Variants in GXYLT2 observed in about 807,000 individuals in gnomAD.
GXYLT2 encodes glycosyltransferase 8 domain containing 4.
GXYLT2 carries 53 observed loss-of-function variants against 45.8 expected under a neutral mutation model. The observed-to-expected ratio is 1.16, with a 90% CI of 0.93 to 1.46. The LOEUF is 1.46. Ranked by LOEUF, GXYLT2 falls within the 40% of genes most tolerant of loss-of-function variation. The probability of loss-of-function intolerance (pLI) is 0.00; values close to 1 mark genes in which losing one functional copy is unlikely to be tolerated. For synonymous variants in GXYLT2, 219 were observed against 214.2 expected (o/e 1.02, Z -0.19); for missense variants, 551 against 544.4 (o/e 1.01, Z -0.12).
At chr3:72,946,709 C>G (rs1710418455) in intron 3 of GXYLT2, among the ~76,000 whole-genome samples, 1 of 152,192 alleles carries the variant, frequency 6.6e-6, no homozygotes. Context: ...GACTCTACCT[C>G]TTAATACCAT....
intron 3 of GXYLT2, among the ~76,000 whole-genome samples, chr3:72,942,270 A>C (rs552334459): frequency 6.6e-6 from 1 of 152,240 alleles, no homozygotes; most frequent in Admixed American, 6.5e-5. Context: ...TGAATTAAAA[A>C]AATAAATACA....
chr3:72,960,209 C>A (rs1280644731), intron 5 of GXYLT2, among the ~76,000 whole-genome samples: 1 of 152,214 alleles, frequency 6.6e-6, no homozygotes, highest in African/African-American at 2.4e-5. Flanking sequence ...GCGTGAGCCA[C>A]CACACCCGGC....
intron 1 of GXYLT2, among the ~76,000 whole-genome samples, chr3:72,907,747 C>T (rs7643654): frequency 0.15 from 22,235 of 152,092 alleles, 2,144 homozygotes; most frequent in African/African-American, 0.27. Flanking sequence ...TTCATACCCA[C>T]CACCTCACCA....
chr3:72,929,588 C>G, intron 3 of GXYLT2: 1 of 1,060,838 alleles, frequency 9.4e-7, no homozygotes, highest in South Asian at 1.2e-5. Flanking sequence ...ACAGTGATAA[C>G]GAAAGCTAAG....
At chr3:72,895,272 T>TG (rs1399040657) in intron 1 of GXYLT2, among the ~76,000 whole-genome samples, 1 of 151,954 alleles carries the variant, frequency 6.6e-6, no homozygotes, top group African/African-American at 2.4e-5. Context: ...GTGGCGGGGT[T>TG]GGGGGGCAGC....
intron 5 of GXYLT2, among the ~76,000 whole-genome samples, chr3:72,966,348 TCTTTA>T (rs1269817567): frequency 6.6e-6 from 1 of 151,308 alleles, no homozygotes; most frequent in East Asian, 1.9e-4. Context: ...TGAAGCAGAA[TCTTTA>T]CTTTAATCTT....
chr3:72,966,278 C>T (rs12637363), intron 5 of GXYLT2, among the ~76,000 whole-genome samples: 13,697 of 146,742 alleles, frequency 0.093, 976 homozygotes, highest in East Asian at 0.33. Flanking sequence ...TGTACCCAGC[C>T]GAAGGTGGGG....
intron 1 of GXYLT2, among the ~76,000 whole-genome samples, chr3:72,893,281 A>G (rs1709217667): frequency 6.6e-6 from 1 of 152,182 alleles, no homozygotes; most frequent in Admixed American, 6.5e-5. Flanking sequence ...TGCTTCAGCC[A>G]CACTGGGCTT....
intron 3 of GXYLT2, among the ~76,000 whole-genome samples, chr3:72,922,542 C>G (rs1226977017): frequency 2.6e-5 from 4 of 152,182 alleles, no homozygotes; most frequent in African/African-American, 9.7e-5. Flanking sequence ...TGTGAGCATT[C>G]AAATCCTGTC....
At chr3:72,897,068 A>G (rs1709306006) in intron 1 of GXYLT2, among the ~76,000 whole-genome samples, 1 of 152,220 alleles carries the variant, frequency 6.6e-6, no homozygotes, top group African/African-American at 2.4e-5. Flanking sequence ...AAAATATGCC[A>G]CGTACCTTAT....
chr3:72,959,314 C>T (rs1170715142), intron 5 of GXYLT2, among the ~76,000 whole-genome samples: 2 of 151,698 alleles, frequency 1.3e-5, no homozygotes, highest in Non-Finnish European at 2.9e-5. Flanking sequence ...GACAGTATTT[C>T]ACCATGTTGG....
At chr3:72,957,579 T>C (rs968401044) in intron 5 of GXYLT2, among the ~76,000 whole-genome samples, 1 of 152,190 alleles carries the variant, frequency 6.6e-6, no homozygotes, top group Non-Finnish European at 1.5e-5. Context: ...AACACTGGAC[T>C]CATTTTTAGA....
intron 6 of GXYLT2, among the ~76,000 whole-genome samples, chr3:72,971,812 G>C (rs917850407): frequency 6.6e-6 from 1 of 150,406 alleles, no homozygotes. Context: ...AGCCGGGCGT[G>C]GTGGCGCATG....
At position 72,914,551 on chromosome 3, in the gene GXYLT2, G is replaced by GCGCA. The variant is rs1553706023; in HGVS notation, c.468+5995_468+5996insACGC. Among the ~76,000 whole-genome samples, 632 of 151,648 alleles carry GCGCA rather than the reference G, an allele frequency of 4.2e-3. 5 individuals carry two copies. Among genetic ancestry groups the GCGCA allele is most frequent in the African/African-American group, 0.015 (600 of 41,252 alleles). On this transcript the variant is annotated intron_variant, in intron 2 of 6. Coordinates refer to ENST00000389617, the MANE Select transcript of GXYLT2 (RefSeq NM_001080393.2). The stretch of plus-strand genomic sequence containing the variant: ...TATGTGTGTGTGTGTGTGTGTGCGC[G>GCGCA]CGCGCGCTTGCGTGCGCATGTATAT...
chr3:72,974,224 G>T (rs1370884693), intron 6 of GXYLT2, among the ~76,000 whole-genome samples: 1 of 152,100 alleles, frequency 6.6e-6, no homozygotes, highest in African/African-American at 2.4e-5. Context: ...GGGTTATACT[G>T]CTCATAGACG....
intron 3 of GXYLT2, among the ~76,000 whole-genome samples, chr3:72,946,046 A>G (rs1025219462): frequency 2.0e-5 from 3 of 152,050 alleles, no homozygotes; most frequent in South Asian, 4.2e-4. Flanking sequence ...GGAGGCCAAG[A>G]TGGGAGGGTT....
intron 2 of GXYLT2, among the ~76,000 whole-genome samples, chr3:72,909,605 G>A: frequency 6.6e-6 from 1 of 152,074 alleles, no homozygotes. Context: ...TGACTACATA[G>A]TATTTTATTA....
Position 72,967,718 on chromosome 3 carries a change from A to G in GXYLT2, c.1148A>G (p.Asp383Gly). 6.2e-7 allele frequency: 1 copy of G among 1,613,356 alleles called. No homozygotes were observed. The highest frequency in any genetic ancestry group is 8.5e-7 in the Non-Finnish European group (1 of 1,179,508). The change falls in exon 6 of 7, where the codon GAT (aspartate) becomes GGT (glycine). Residue 383 changes from aspartate (D) to glycine (G), a missense_variant and splice_region_variant. Asp to Gly is a moderately conservative substitution (Grantham distance 94, BLOSUM62 -1). Coordinates refer to ENST00000389617, the MANE Select transcript of GXYLT2 (RefSeq NM_001080393.2). ...AGAGCACTCTATGAAGCAATACGGG[A>G]TGTAAGTGTGCCCTTGCTGCTGTTA... ...TFRALYEAIR[D>G]FPFQDNLFQS... is the part of the protein sequence containing the mutation.
Position 72,959,369 on chromosome 3 carries a change from C to T in GXYLT2, c.976+2017C>T, listed in dbSNP as rs146397465. On this transcript the variant is annotated intron_variant, in intron 5 of 6. Coordinates refer to ENST00000389617, the MANE Select transcript of GXYLT2 (RefSeq NM_001080393.2). ...CTGACCTCATGTGATCCACCTGCCT[C>T]GGCCTCCCAAAGTGTTGGGATTACA... 5.3e-3 allele frequency among the ~76,000 whole-genome samples: 806 copies of T among 151,282 alleles called. 7 individuals carry two copies. Among genetic ancestry groups the T allele is most frequent in the African/African-American group, 0.019 (772 of 41,210 alleles).
Sources: gnomAD v4.1 joint callset for allele counts (sites outside exome capture counted in the v4.1 genomes callset) on GRCh38, gnomAD v4.1.1 for gene constraint, MANE v1.5 for transcripts, NCBI Gene and HGNC (gene_info 2026-07-23, HGNC 2026-07-21) for gene names.